CDKAL1: variants seen among roughly 807,000 people sequenced by gnomAD.
CDKAL1 encodes CDKAL1 threonylcarbamoyladenosine tRNA methylthiotransferase.
CDKAL1 carries 32 observed loss-of-function variants against 68.2 expected under a neutral mutation model. The ratio of observed to expected loss-of-function variants is 0.47; its 90% CI spans 0.35 to 0.63. CDKAL1 has a LOEUF of 0.63. Among genes scored for constraint, CDKAL1 ranks in the 30% least tolerant of loss-of-function variants. CDKAL1 has a pLI of 0.00. For synonymous variants in CDKAL1, 234 were observed against 244.3 expected, an observed-to-expected ratio of 0.96 and a Z score of 0.39; for missense variants, 606 against 696.7, an observed-to-expected ratio of 0.87 and a Z score of 1.47.
At chr6:20,826,041 T>C (rs999548359) in intron 8 of CDKAL1, among the ~76,000 whole-genome samples, 15 of 152,180 alleles carry the variant, frequency 9.9e-5, no homozygotes, top group African/African-American at 3.6e-4. Flanking sequence ...CTTGTAATTA[T>C]ATCATTTCCT....
chr6:21,098,722 G>C (rs1355677918), intron 12 of CDKAL1, among the ~76,000 whole-genome samples: 1 of 152,020 alleles, frequency 6.6e-6, no homozygotes, highest in Non-Finnish European at 1.5e-5. Context: ...CTTTCTGTTT[G>C]GGAGGATCCT....
At chr6:20,708,741 G>A (rs1282241731) in intron 5 of CDKAL1, among the ~76,000 whole-genome samples, 2 of 152,114 alleles carry the variant, frequency 1.3e-5, no homozygotes, top group South Asian at 2.1e-4. Context: ...GTGTGCATGT[G>A]TCTGATGATA....
chr6:21,006,065 A>T (rs1199978224), intron 11 of CDKAL1, among the ~76,000 whole-genome samples: 3 of 152,196 alleles, frequency 2.0e-5, no homozygotes, highest in African/African-American at 7.2e-5. Flanking sequence ...CATCCAGCCC[A>T]TCCTATGACC....
intron 6 of CDKAL1, among the ~76,000 whole-genome samples, chr6:20,747,594 T>A (rs546512402): frequency 2.7e-3 from 417 of 152,350 alleles, no homozygotes; most frequent in Non-Finnish European, 4.1e-3. Flanking sequence ...GACCACATTT[T>A]TATATATGTT....
chr6:20,691,704 A>G (rs1231144286), intron 5 of CDKAL1, among the ~76,000 whole-genome samples: 2 of 152,122 alleles, frequency 1.3e-5, no homozygotes, highest in African/African-American at 2.4e-5. Flanking sequence ...AGGACTCCAA[A>G]GCATTGTGAA....
rs542231386 is a variant in CDKAL1, at chr6:20,885,051, G to A, written c.742+38873G>A. 1.1e-4 allele frequency among the ~76,000 whole-genome samples: 17 copies of A among 152,302 alleles called. No individual in the cohort carries two copies. The South Asian group carries it at 1.5e-3, about 13-fold the overall frequency. ...ATAAAAGTAAAGACATTCATGTTCAGGGATAGGAATACTTAATATTGTTAA... is the reference window on the plus strand; with the variant it reads ...ATAAAAGTAAAGACATTCATGTTCAAGGATAGGAATACTTAATATTGTTAA... On this transcript the variant is annotated intron_variant, in intron 9 of 15. Transcript: ENST00000274695.
At chr6:21,121,570 A>C (rs566099326) in intron 13 of CDKAL1, among the ~76,000 whole-genome samples, 1 of 152,352 alleles carries the variant, frequency 6.6e-6, no homozygotes, top group South Asian at 2.1e-4. Flanking sequence ...ATAGGGATTA[A>C]ATGGGAAGCA....
chr6:20,567,509 G>A (rs1180017227), intron 4 of CDKAL1, among the ~76,000 whole-genome samples: 1 of 151,910 alleles, frequency 6.6e-6, no homozygotes, highest in Non-Finnish European at 1.5e-5. Context: ...ATCTTTTTCT[G>A]ATGGAGAGCG....
chr6:20,948,374 A>T (rs529432344), intron 9 of CDKAL1, among the ~76,000 whole-genome samples: 1 of 152,258 alleles, frequency 6.6e-6, no homozygotes, highest in Non-Finnish European at 1.5e-5. Flanking sequence ...GTCCTTTAAA[A>T]ATCTGAACTT....
chr6:20,736,664 C>A (rs1049653425), intron 5 of CDKAL1, among the ~76,000 whole-genome samples: 1 of 151,792 alleles, frequency 6.6e-6, no homozygotes, highest in Admixed American at 6.6e-5. Context: ...CCCAGCTACT[C>A]CGGAGGCTGA....
intron 15 of CDKAL1, among the ~76,000 whole-genome samples, chr6:21,220,946 C>A (rs1468867048): frequency 6.6e-6 from 1 of 152,080 alleles, no homozygotes; most frequent in Non-Finnish European, 1.5e-5. Flanking sequence ...GTGGGTGGAT[C>A]ACCTGAGGCC....
chr6:20,933,338 A>G (rs1763555987), intron 9 of CDKAL1, among the ~76,000 whole-genome samples: 1 of 152,212 alleles, frequency 6.6e-6, no homozygotes. Flanking sequence ...GGTGATGTTT[A>G]TGTCAACAAT....
chr6:21,052,843 C>T (rs1290016671), intron 11 of CDKAL1, among the ~76,000 whole-genome samples: 3 of 152,164 alleles, frequency 2.0e-5, no homozygotes, highest in Non-Finnish European at 2.9e-5. Flanking sequence ...AGCAAGACTC[C>T]GTCTCTACAG....
At chr6:21,189,282 A>G (rs1184903664) in intron 13 of CDKAL1, among the ~76,000 whole-genome samples, 1 of 152,160 alleles carries the variant, frequency 6.6e-6, no homozygotes, top group African/African-American at 2.4e-5. Context: ...TTGTTTTACA[A>G]TTTTTCTTTC....
chr6:21,056,168 T>C, intron 11 of CDKAL1, among the ~76,000 whole-genome samples: 1 of 152,194 alleles, frequency 6.6e-6, no homozygotes, highest in East Asian at 1.9e-4. Context: ...TGGAATGTTT[T>C]TCCATTTGTT....
chr6:21,035,066 T>A (rs1769500588), intron 11 of CDKAL1, among the ~76,000 whole-genome samples: 1 of 152,162 alleles, frequency 6.6e-6, no homozygotes, highest in African/African-American at 2.4e-5. Flanking sequence ...AGACACCATA[T>A]TAAGAACTCT....
At chr6:20,924,219 A>T (rs1763082793) in intron 9 of CDKAL1, among the ~76,000 whole-genome samples, 1 of 149,316 alleles carries the variant, frequency 6.7e-6, no homozygotes, top group Admixed American at 6.7e-5. Context: ...AGATAGAGTT[A>T]GCCAGGTGTG....
chr6:21,005,508 T>G (rs77206637), intron 11 of CDKAL1, among the ~76,000 whole-genome samples: 2,758 of 152,310 alleles, frequency 0.018, 41 homozygotes, highest in Non-Finnish European at 0.026. Context: ...CTTTTTAGTT[T>G]ATGTTAACTA....
chr6:20,588,764 T>C (rs931735061), intron 4 of CDKAL1, among the ~76,000 whole-genome samples: 1 of 152,196 alleles, frequency 6.6e-6, no homozygotes, highest in Admixed American at 6.5e-5. Context: ...GACCTCCTTT[T>C]AAAATAATCT....
Sources: allele counts gnomAD v4.1 joint callset (sites outside exome capture counted in the v4.1 genomes callset), GRCh38; gene constraint gnomAD v4.1.1; transcripts MANE v1.5; gene names NCBI Gene and HGNC (gene_info 2026-07-23, HGNC 2026-07-21).